STEAP1B: variants seen among roughly 807,000 people sequenced by gnomAD.
STEAP1B encodes the protein STEAP family member 1B.
Under a neutral mutation model 27.9 loss-of-function variants are expected in STEAP1B, and 13 were observed. The observed-to-expected ratio is 0.47, with a 90% CI of 0.30 to 0.74. The LOEUF (loss-of-function observed/expected upper bound fraction) is 0.74. STEAP1B is among the 30% of genes least tolerant of loss of function. The pLI is 0.06. For synonymous variants in STEAP1B, 86 were observed against 107.1 expected, an observed-to-expected ratio of 0.80 and a Z score of 1.22; for missense variants, 250 against 298.7, an observed-to-expected ratio of 0.84 and a Z score of 1.20.
intron 1 of STEAP1B, among the ~76,000 whole-genome samples, chr7:22,498,682 A>T (rs3864425): frequency 0.11 from 16,156 of 152,222 alleles, 1,054 homozygotes; most frequent in African/African-American, 0.17. Context: ...GTATCCTAGA[A>T]GAGGATAAAG....
intron 4 of STEAP1B, among the ~76,000 whole-genome samples, chr7:22,453,184 G>C (rs1360310493): frequency 6.6e-6 from 1 of 152,068 alleles, no homozygotes; most frequent in Non-Finnish European, 1.5e-5. Flanking sequence ...GGCTTTCCTC[G>C]TATGAAACTC....
intron 4 of STEAP1B, among the ~76,000 whole-genome samples, chr7:22,461,258 G>C (rs551143422): frequency 3.0e-4 from 45 of 152,174 alleles, no homozygotes; most frequent in African/African-American, 1.1e-3. Context: ...AGTCACTGAG[G>C]GAACTTTTTC....
chr7:22,450,768 T>G (rs568347957), intron 4 of STEAP1B, among the ~76,000 whole-genome samples: 2 of 152,214 alleles, frequency 1.3e-5, no homozygotes, highest in Non-Finnish European at 2.9e-5. Context: ...TATTGATTAT[T>G]CCTATCCATG....
At chr7:22,445,713 GCTC>G (rs1321844475) in intron 4 of STEAP1B, among the ~76,000 whole-genome samples, 1 of 152,236 alleles carries the variant, frequency 6.6e-6, no homozygotes, top group Non-Finnish European at 1.5e-5. Flanking sequence ...GGAGGGCACT[GCTC>G]TCCAAGCAGC....
intron 4 of STEAP1B, among the ~76,000 whole-genome samples, chr7:22,473,123 A>T: frequency 6.6e-6 from 1 of 152,164 alleles, no homozygotes; most frequent in Non-Finnish European, 1.5e-5. Flanking sequence ...AACGTGATGC[A>T]TTACCGCACT....
chr7:22,436,140 G>C (rs1197214133), intron 4 of STEAP1B, among the ~76,000 whole-genome samples: 1 of 152,058 alleles, frequency 6.6e-6, no homozygotes, highest in Non-Finnish European at 1.5e-5. Context: ...TTTTTGGTGA[G>C]AATTAAATTA....
chr7:22,496,838 A>G (rs12539538), intron 1 of STEAP1B, among the ~76,000 whole-genome samples: 16,192 of 152,244 alleles, frequency 0.11, 1,060 homozygotes, highest in African/African-American at 0.17. Context: ...TTCTTAAAAC[A>G]TTCTCCAAGT....
intron 4 of STEAP1B, among the ~76,000 whole-genome samples, chr7:22,469,031 T>C (rs1785835282): frequency 6.6e-6 from 1 of 152,172 alleles, no homozygotes; most frequent in Admixed American, 6.5e-5. Context: ...CTCAGGTAGG[T>C]ACTTCAGGAG....
At chr7:22,444,430 A>G (rs1785378814) in intron 4 of STEAP1B, among the ~76,000 whole-genome samples, 1 of 152,022 alleles carries the variant, frequency 6.6e-6, no homozygotes, top group African/African-American at 2.4e-5. Flanking sequence ...GTTTTAAAAA[A>G]AAAAAGTAAA....
At chr7:22,440,660 A>C (rs772874031) in intron 4 of STEAP1B, among the ~76,000 whole-genome samples, 58 of 152,218 alleles carry the variant, frequency 3.8e-4, no homozygotes, top group Non-Finnish European at 7.6e-4. Context: ...CAAGTTTATT[A>C]ATCACAAATT....
At chr7:22,476,118 T>A (rs1785967468) in intron 4 of STEAP1B, among the ~76,000 whole-genome samples, 1 of 152,216 alleles carries the variant, frequency 6.6e-6, no homozygotes. Context: ...TGCACTGGTC[T>A]GAGCTGGGCT....
intron 4 of STEAP1B, among the ~76,000 whole-genome samples, chr7:22,440,244 C>T (rs1174157691): frequency 1.3e-5 from 2 of 152,082 alleles, no homozygotes; most frequent in Non-Finnish European, 2.9e-5. Flanking sequence ...GCTACCTTGA[C>T]TTGTGGGAAG....
intron 4 of STEAP1B, among the ~76,000 whole-genome samples, chr7:22,486,295 T>C (rs776976812): frequency 1.3e-5 from 2 of 152,152 alleles, no homozygotes; most frequent in African/African-American, 4.8e-5. Context: ...AGACATCCCA[T>C]TGGCACTGTG....
intron 4 of STEAP1B, among the ~76,000 whole-genome samples, chr7:22,426,647 G>C (rs1479328291): frequency 6.6e-6 from 1 of 152,196 alleles, no homozygotes; most frequent in African/African-American, 2.4e-5. Flanking sequence ...TGGAGAATTA[G>C]GAACTTCAAG....
intron 4 of STEAP1B, among the ~76,000 whole-genome samples, chr7:22,452,416 C>T (rs1224490621): frequency 6.6e-6 from 1 of 151,974 alleles, no homozygotes; most frequent in Non-Finnish European, 1.5e-5. Context: ...TATTGGCAGA[C>T]AATCCCCCCC....
chr7:22,435,424 C>T (rs897208489), intron 4 of STEAP1B, among the ~76,000 whole-genome samples: 43 of 152,026 alleles, frequency 2.8e-4, no homozygotes, highest in African/African-American at 9.9e-4. Context: ...CAAGTTCAAG[C>T]TCAAGTCCAA....
intron 4 of STEAP1B, among the ~76,000 whole-genome samples, chr7:22,448,217 T>C (rs1166864750): frequency 3.9e-5 from 6 of 152,222 alleles, no homozygotes; most frequent in African/African-American, 1.4e-4. Flanking sequence ...GTTGCAAAGA[T>C]GTAATTATGG....
intron 4 of STEAP1B, among the ~76,000 whole-genome samples, chr7:22,479,058 C>T (rs1015145594): frequency 6.6e-6 from 1 of 152,050 alleles, no homozygotes; most frequent in African/African-American, 2.4e-5. Context: ...CCAAAGCACC[C>T]GAGATTAAAC....
chr7:22,438,880 C>A (rs1785290474), intron 4 of STEAP1B: 1 of 1,205,066 alleles, frequency 8.3e-7, no homozygotes, highest in Non-Finnish European at 1.1e-6. Context: ...GGGATAAAAT[C>A]TCAACTATTT....
Sources: gnomAD v4.1 joint callset for allele counts (sites outside exome capture counted in the v4.1 genomes callset) on GRCh38, gnomAD v4.1.1 for gene constraint, MANE v1.5 for transcripts, NCBI Gene and HGNC (gene_info 2026-07-23, HGNC 2026-07-21) for gene names.